The following SPOCK3 variants were observed in gnomAD, a reference collection of about 807,000 sequenced individuals.
SPOCK3 encodes testican-3.
Under a neutral mutation model 56.6 loss-of-function variants are expected in SPOCK3, and 30 were observed. The ratio of observed to expected loss-of-function variants is 0.53; its 90% CI spans 0.40 to 0.72. The LOEUF (loss-of-function observed/expected upper bound fraction) is 0.72, where lower values mean the gene tolerates loss of function less well. Among genes scored for constraint, SPOCK3 ranks in the 30% least tolerant of loss-of-function variants. The pLI is 0.00. For missense variants in SPOCK3, 527 were observed against 530.0 expected (o/e 0.99, Z 0.06); for synonymous variants, 196 against 183.3 (o/e 1.07, Z -0.56).
chr4:166,848,121 G>T (rs188864226), intron 6 of SPOCK3, among the ~76,000 whole-genome samples: 53 of 152,250 alleles, frequency 3.5e-4, no homozygotes, highest in African/African-American at 1.3e-3. Flanking sequence ...CTTCAGTTTT[G>T]AAGCAGTACA....
At chr4:167,137,558 T>C (rs1763224200) in intron 2 of SPOCK3, among the ~76,000 whole-genome samples, 1 of 151,956 alleles carries the variant, frequency 6.6e-6, no homozygotes, top group Admixed American at 6.6e-5. Context: ...TAAAATACAA[T>C]TTTAATTTAT....
chr4:167,043,726 T>C (rs190062212), intron 3 of SPOCK3, among the ~76,000 whole-genome samples: 62 of 152,120 alleles, frequency 4.1e-4, no homozygotes, highest in Non-Finnish European at 7.8e-4. Context: ...ATATTCTTAA[T>C]GTGTTGGGAT....
chr4:167,087,878 T>C (rs1758342153), intron 2 of SPOCK3, among the ~76,000 whole-genome samples: 2 of 151,988 alleles, frequency 1.3e-5, no homozygotes, highest in Admixed American at 6.6e-5. Context: ...GCTATCAGAA[T>C]TGTGCTTAAT....
intron 2 of SPOCK3, among the ~76,000 whole-genome samples, chr4:167,205,492 AT>A (rs1734146434): frequency 1.8e-5 from 1 of 56,176 alleles, no homozygotes; most frequent in Non-Finnish European, 3.0e-5. Flanking sequence ...AATATATAAT[AT>A]ATAATATATA....
In SPOCK3 at chr4:167,125,205, T is replaced by TATG. The variant is rs1554040390; in HGVS notation, c.190-62669_190-62668insCAT. ...GCACAGAGATTTTTTATTTATTTAT[T>TATG]TATTTATTTATTTATTTATTTATTT... On this transcript the variant is annotated intron_variant, in intron 2 of 10. Transcript: ENST00000357545. Among the ~76,000 whole-genome samples, 771 of 147,758 alleles carry TATG rather than the reference T, an allele frequency of 5.2e-3. 1 individual carries two copies. Among genetic ancestry groups the TATG allele is most frequent in the South Asian group, 0.02 (96 of 4,790 alleles).
chr4:167,026,526 G>A (rs1268918913), intron 3 of SPOCK3, among the ~76,000 whole-genome samples: 1 of 152,028 alleles, frequency 6.6e-6, no homozygotes, highest in African/African-American at 2.4e-5. Context: ...TCTGGCTTAA[G>A]CCTCTGAGCA....
chr4:166,791,591 C>T (rs17645338), intron 7 of SPOCK3, among the ~76,000 whole-genome samples: 21,911 of 151,856 alleles, frequency 0.14, 2,061 homozygotes, highest in East Asian at 0.31. Context: ...ATAACAAGTA[C>T]CCTATTTCAA....
intron 4 of SPOCK3, among the ~76,000 whole-genome samples, chr4:166,981,607 G>A (rs1382839637): frequency 6.6e-6 from 1 of 152,164 alleles, no homozygotes; most frequent in African/African-American, 2.4e-5. Context: ...TCCACGGGCA[G>A]GCCTGGAAAA....
At chr4:167,120,629 G>A (rs1383837658) in intron 2 of SPOCK3, among the ~76,000 whole-genome samples, 1 of 151,846 alleles carries the variant, frequency 6.6e-6, no homozygotes, top group African/African-American at 2.4e-5. Context: ...GGATTTTTTT[G>A]TTTGTCCTTG....
intron 6 of SPOCK3, among the ~76,000 whole-genome samples, chr4:166,810,339 T>C (rs953269182): frequency 6.6e-6 from 1 of 152,102 alleles, no homozygotes; most frequent in Non-Finnish European, 1.5e-5. Flanking sequence ...TAATTTCCCT[T>C]TACATACCAC....
At chr4:167,185,005 G>A (rs1731828360) in intron 2 of SPOCK3, among the ~76,000 whole-genome samples, 2 of 152,162 alleles carry the variant, frequency 1.3e-5, no homozygotes, top group Non-Finnish European at 1.5e-5. Flanking sequence ...AAACAAACAA[G>A]TTGGTTACCT....
At chr4:167,229,097 G>C (rs1484453902) in intron 2 of SPOCK3, among the ~76,000 whole-genome samples, 1 of 152,078 alleles carries the variant, frequency 6.6e-6, no homozygotes, top group Non-Finnish European at 1.5e-5. Context: ...TACAAATGTT[G>C]TTTCATAGTG....
intron 2 of SPOCK3, among the ~76,000 whole-genome samples, chr4:167,156,430 C>A (rs1205586117): frequency 4.6e-5 from 7 of 152,236 alleles, no homozygotes; most frequent in Non-Finnish European, 1.0e-4. Flanking sequence ...TGTACACATG[C>A]AAAACTTAAT....
intron 2 of SPOCK3, among the ~76,000 whole-genome samples, chr4:167,106,517 T>A (rs1292135664): frequency 6.6e-6 from 1 of 151,660 alleles, no homozygotes; most frequent in Non-Finnish European, 1.5e-5. Flanking sequence ...TAAATATAAG[T>A]GCCTACATCA....
At chr4:167,160,946 A>T (rs181859405) in intron 2 of SPOCK3, among the ~76,000 whole-genome samples, 2 of 152,338 alleles carry the variant, frequency 1.3e-5, no homozygotes, top group East Asian at 3.9e-4. Flanking sequence ...AAATCCTAGA[A>T]GAAAACCTAG....
At chr4:167,043,277 T>C (rs1753396312) in intron 3 of SPOCK3, among the ~76,000 whole-genome samples, 1 of 152,094 alleles carries the variant, frequency 6.6e-6, no homozygotes, top group African/African-American at 2.4e-5. Context: ...ATCCCATTTG[T>C]TCTGAAGTAT....
At chr4:167,202,845 A>C (rs897287954) in intron 2 of SPOCK3, among the ~76,000 whole-genome samples, 1 of 151,854 alleles carries the variant, frequency 6.6e-6, no homozygotes, top group Non-Finnish European at 1.5e-5. Context: ...TAAGATGTAG[A>C]TAAAGGGGAA....
intron 6 of SPOCK3, among the ~76,000 whole-genome samples, chr4:166,806,171 C>T (rs1481100401): frequency 6.6e-6 from 1 of 151,948 alleles, no homozygotes; most frequent in Non-Finnish European, 1.5e-5. Flanking sequence ...AATATACAAA[C>T]ATTTAGATGT....
At chr4:167,025,205 C>G (rs1335563461) in intron 3 of SPOCK3, among the ~76,000 whole-genome samples, 1 of 143,284 alleles carries the variant, frequency 7.0e-6, no homozygotes, top group Admixed American at 6.9e-5. Flanking sequence ...GTGGACAATT[C>G]TTTGGCCACT....
Sources: gnomAD v4.1 joint callset for allele counts (sites outside exome capture counted in the v4.1 genomes callset) on GRCh38, gnomAD v4.1.1 for gene constraint, MANE v1.5 for transcripts, NCBI Gene and HGNC (gene_info 2026-07-23, HGNC 2026-07-21) for gene names.